NF1: variants seen among roughly 807,000 people sequenced by gnomAD.
The protein encoded by NF1 is neurofibromin.
Under a neutral mutation model 325.7 loss-of-function variants are expected in NF1, and 122 were observed. That is an observed-to-expected ratio of 0.37 (90% confidence interval 0.32 to 0.44). The LOEUF is 0.44. NF1 is among the 20% of genes least tolerant of loss of function. The probability of loss-of-function intolerance (pLI) is 1.00; values close to 1 mark genes in which losing one functional copy is unlikely to be tolerated. For synonymous variants in NF1, 1,091 were observed against 1,186.0 expected, an observed-to-expected ratio of 0.92 and a Z score of 1.65; for missense variants, 2,140 against 3,415.4, an observed-to-expected ratio of 0.63 and a Z score of 9.31.
At chr17:31,238,917 C>T (rs1208411977) in intron 29 of NF1, among the ~76,000 whole-genome samples, 1 of 152,166 alleles carries the variant, frequency 6.6e-6, no homozygotes, top group African/African-American at 2.4e-5. Context: ...CCTACAGTTA[C>T]AGCGAACATT....
intron 1 of NF1, among the ~76,000 whole-genome samples, chr17:31,152,393 T>G (rs1311316491): frequency 6.6e-6 from 1 of 151,534 alleles, no homozygotes; most frequent in Non-Finnish European, 1.5e-5. Flanking sequence ...TAATATCCAC[T>G]TTATTCCATT....
chr17:31,247,914 A>G (rs534364937), intron 29 of NF1, among the ~76,000 whole-genome samples: 1 of 152,322 alleles, frequency 6.6e-6, no homozygotes, highest in African/African-American at 2.4e-5. Flanking sequence ...AAAGACCTAC[A>G]TCATTCAGCC....
chr17:31,282,381 C>CAAAAA, intron 36 of NF1, among the ~76,000 whole-genome samples: 1 of 99,012 alleles, frequency 1.0e-5, no homozygotes, highest in South Asian at 3.2e-4. Context: ...GATTCCATCT[C>CAAAAA]AAAAAAAAAA....
chr17:31,373,770 A>G (rs1017912731), intron 57 of NF1, among the ~76,000 whole-genome samples: 2 of 152,230 alleles, frequency 1.3e-5, no homozygotes, highest in African/African-American at 4.8e-5. Flanking sequence ...TAAAGTACAC[A>G]ATATGGTAAC....
At chr17:31,117,077 G>A (rs1366593846) in intron 1 of NF1, among the ~76,000 whole-genome samples, 1 of 151,420 alleles carries the variant, frequency 6.6e-6, no homozygotes. Context: ...TGCCTCCTGA[G>A]TTCAAGCAAT....
chr17:31,295,740 GGTAAAGAT>G, intron 36 of NF1: 1 of 1,614,144 alleles, frequency 6.2e-7, no homozygotes, highest in Non-Finnish European at 8.5e-7. Flanking sequence ...TTGTTGTGCA[GGTAAAGAT>G]GTGTGAGATT....
intron 29 of NF1, among the ~76,000 whole-genome samples, chr17:31,244,424 A>G (rs2067356042): frequency 6.6e-6 from 1 of 151,590 alleles, no homozygotes; most frequent in Non-Finnish European, 1.5e-5. Context: ...CTGCCTTTCA[A>G]GTTTATTTAG....
At chr17:31,208,229 A>G in intron 12 of NF1, among the ~76,000 whole-genome samples, 1 of 152,262 alleles carries the variant, frequency 6.6e-6, no homozygotes, top group Middle Eastern at 3.4e-3. Flanking sequence ...TATACATTTA[A>G]TTTTCAAAAT....
rs556123076 is a variant in NF1 at position 31,298,861 on chromosome 17, G to A, written c.4836-26959G>A. Among the ~76,000 whole-genome samples, 16 of 152,138 alleles carry A rather than the reference G, an allele frequency of 1.1e-4. No individual in the cohort carries two copies. In the South Asian group the frequency reaches 2.1e-3, roughly 20 times the overall value. On this transcript the variant is annotated intron_variant, in intron 36 of 57. Coordinates refer to ENST00000358273, the MANE Select transcript of NF1 (RefSeq NM_001042492.3). The stretch of plus-strand genomic sequence containing the variant: ...AGATGTGACTGAGGGTCAATTTACC[G>A]ACCACTTAAATCTCTTAATTTTAGG...
intron 29 of NF1, among the ~76,000 whole-genome samples, chr17:31,242,638 G>A (rs189233890): frequency 6.6e-6 from 1 of 152,212 alleles, no homozygotes; most frequent in African/African-American, 2.4e-5. Context: ...CTGGTTCTTT[G>A]TAATTGTTTC....
intron 56 of NF1, chr17:31,360,220 T>C (rs1458403881): frequency 2.1e-6 from 1 of 469,220 alleles, no homozygotes; most frequent in African/African-American, 2.0e-5. Flanking sequence ...TCCTGGTGAT[T>C]GTATTGTCTC....
At chr17:31,232,919 C>G (rs2067139779) in intron 26 of NF1, 38 bp downstream of exon 26, 2 of 1,613,438 alleles carry the variant, frequency 1.2e-6, no homozygotes, top group Non-Finnish European at 1.7e-6. Flanking sequence ...AAATACAAAA[C>G]CTAGAGAACT....
chr17:31,353,240 C>T (rs756538990), intron 51 of NF1, among the ~76,000 whole-genome samples: 1 of 152,180 alleles, frequency 6.6e-6, no homozygotes, highest in African/African-American at 2.4e-5. Context: ...TAAGATTGCT[C>T]AGTTACATCA....
At chr17:31,204,460 T>A (rs912798330) in intron 11 of NF1, among the ~76,000 whole-genome samples, 9 of 152,240 alleles carry the variant, frequency 5.9e-5, no homozygotes, top group African/African-American at 2.2e-4. Context: ...TTTAATTGAC[T>A]GGTGTTCAGG....
At chr17:31,222,586 C>A in intron 15 of NF1, 1 of 1,001,998 alleles carries the variant, frequency 1.0e-6, no homozygotes, top group Non-Finnish European at 1.2e-6. Context: ...TAATGAGAAC[C>A]CCATATGTTA....
At chr17:31,113,088 G>A (rs896759825) in intron 1 of NF1, among the ~76,000 whole-genome samples, 2 of 152,052 alleles carry the variant, frequency 1.3e-5, no homozygotes, top group South Asian at 2.1e-4. Flanking sequence ...GTATGGTTTC[G>A]GATTGGCTTG....
intron 20 of NF1, among the ~76,000 whole-genome samples, chr17:31,228,347 G>A (rs564035771): frequency 1.3e-5 from 2 of 152,254 alleles, no homozygotes; most frequent in Non-Finnish European, 2.9e-5. Context: ...ATAGGAAAAA[G>A]TTATATTTTT....
intron 57 of NF1, among the ~76,000 whole-genome samples, chr17:31,369,687 G>A (rs2070595965): frequency 6.6e-6 from 1 of 152,206 alleles, no homozygotes; most frequent in Non-Finnish European, 1.5e-5. Flanking sequence ...GAAAAGAAGT[G>A]CAGCACCAAG....
intron 4 of NF1, among the ~76,000 whole-genome samples, chr17:31,163,994 A>G (rs2065805913): frequency 1.3e-5 from 2 of 152,246 alleles, no homozygotes; most frequent in South Asian, 2.1e-4. Context: ...TGTATGTAAA[A>G]TACTGCCATT....
Sources: allele counts gnomAD v4.1 joint callset (sites outside exome capture counted in the v4.1 genomes callset), GRCh38; gene constraint gnomAD v4.1.1; transcripts MANE v1.5; gene names NCBI Gene and HGNC (gene_info 2026-07-23, HGNC 2026-07-21).